Variants in TCF12 observed in about 807,000 individuals in gnomAD.
TCF12 encodes the protein DNA-binding protein HTF4.
In TCF12, 45 loss-of-function variants were observed where a neutral mutation model predicts 86.0. The ratio of observed to expected loss-of-function variants is 0.52; its 90% CI spans 0.41 to 0.67. TCF12 has a LOEUF of 0.67. TCF12 is among the 30% of genes least tolerant of loss of function. The pLI is 0.00. For synonymous variants in TCF12, 330 were observed against 299.6 expected, an observed-to-expected ratio of 1.10 and a Z score of -1.05; for missense variants, 881 against 859.9, an observed-to-expected ratio of 1.02 and a Z score of -0.31.
intron 5 of TCF12, among the ~76,000 whole-genome samples, chr15:57,120,516 G>A (rs914376627): frequency 1.3e-5 from 2 of 152,192 alleles, no homozygotes; most frequent in African/African-American, 4.8e-5. Context: ...ACAGTTCTGT[G>A]TATGTTTTGG....
chr15:56,958,676 A>AGT (rs1324930525), intron 3 of TCF12, among the ~76,000 whole-genome samples: 10,318 of 91,676 alleles, frequency 0.11, 367 homozygotes, highest in Middle Eastern at 0.21. Flanking sequence ...AGAGAGAGAG[A>AGT]GAGTGTGTGT....
intron 5 of TCF12, among the ~76,000 whole-genome samples, chr15:57,103,029 CT>C (rs1383589602): frequency 6.6e-6 from 1 of 152,112 alleles, no homozygotes; most frequent in Non-Finnish European, 1.5e-5. Context: ...ATTGAGCAGC[CT>C]AATGCAGAGA....
At position 57,170,671 on chromosome 15, in the gene TCF12, AT is replaced by A. The variant is rs2055291536; in HGVS notation, c.390+4206del. On this transcript the variant is annotated intron_variant, in intron 6 of 20. Transcript: ENST00000333725. ...TATATATTATATAAAATATATATAT[AT>A]ATAATATATTATATATAATATATAT... 8.8e-4 allele frequency among the ~76,000 whole-genome samples: 10 copies of A among 11,312 alleles called. No individual in the cohort carries two copies. The South Asian group carries it at 0.023, about 26-fold the overall frequency. 7.4% of individuals were successfully genotyped at this position (11,312 alleles called of 152,430 possible).
intron 3 of TCF12, among the ~76,000 whole-genome samples, chr15:57,000,943 A>G (rs1256762726): frequency 6.6e-6 from 1 of 151,626 alleles, no homozygotes; most frequent in Non-Finnish European, 1.5e-5. Flanking sequence ...TTTTTCCTAG[A>G]AATAAATTTT....
chr15:57,059,178 A>T (rs549146353), intron 3 of TCF12, among the ~76,000 whole-genome samples: 1 of 152,316 alleles, frequency 6.6e-6, no homozygotes, highest in South Asian at 2.1e-4. Context: ...TAGAATAAAA[A>T]TTTGATTTCA....
chr15:56,948,022 A>G (rs770840007), intron 3 of TCF12, among the ~76,000 whole-genome samples: 2 of 151,918 alleles, frequency 1.3e-5, no homozygotes, highest in Non-Finnish European at 2.9e-5. Flanking sequence ...CAGGGTTTTT[A>G]TTTTGTGTGA....
Position 57,213,240 on chromosome 15 carries a change from C to A in TCF12, c.579+15415C>A, listed in dbSNP as rs184433733. On this transcript the variant is annotated intron_variant, in intron 8 of 20. Transcript: ENST00000333725. The stretch of plus-strand genomic sequence containing the variant: ...CTTTTCAAAGTGAAGTATTTTTTGG[C>A]TTTTGTTAAGAATGGTCACCAGAAT... 2.1e-4 allele frequency among the ~76,000 whole-genome samples: 32 copies of A among 152,238 alleles called. No homozygotes were observed. The East Asian group carries it at 6.2e-3, about 29-fold the overall frequency.
chr15:56,963,262 T>A (rs1465521896), intron 3 of TCF12, among the ~76,000 whole-genome samples: 1 of 152,130 alleles, frequency 6.6e-6, no homozygotes, highest in Non-Finnish European at 1.5e-5. Context: ...TGAAAAGAGA[T>A]GAAAAAACAA....
intron 4 of TCF12, 111 bp downstream of exon 4, chr15:57,063,934 A>G (rs1368352662): frequency 3.6e-6 from 3 of 841,046 alleles, no homozygotes; most frequent in Non-Finnish European, 5.7e-6. Context: ...TTTCATGGAA[A>G]TGCAGTAGAA....
At chr15:57,106,845 G>A (rs77410740) in intron 5 of TCF12, among the ~76,000 whole-genome samples, 2 of 152,186 alleles carry the variant, frequency 1.3e-5, no homozygotes, top group Non-Finnish European at 2.9e-5. Context: ...TTAAGGAATT[G>A]TAAATTTAAA....
intron 3 of TCF12, among the ~76,000 whole-genome samples, chr15:57,051,330 G>A (rs1039881998): frequency 9.2e-5 from 14 of 152,270 alleles, no homozygotes; most frequent in African/African-American, 3.1e-4. Context: ...TCACGTTTAT[G>A]TTGAGAGGTC....
At chr15:56,998,816 G>A (rs576314457) in intron 3 of TCF12, among the ~76,000 whole-genome samples, 39 of 152,130 alleles carry the variant, frequency 2.6e-4, no homozygotes, top group African/African-American at 8.9e-4. Flanking sequence ...TAAAAGAATT[G>A]AACTTACAAA....
At chr15:56,969,499 T>G (rs2062178058) in intron 3 of TCF12, among the ~76,000 whole-genome samples, 1 of 151,926 alleles carries the variant, frequency 6.6e-6, no homozygotes, top group Non-Finnish European at 1.5e-5. Context: ...GGAAACCACG[T>G]TTAGATACAC....
At chr15:57,189,705 A>G (rs1421619332) in intron 6 of TCF12, among the ~76,000 whole-genome samples, 1 of 152,240 alleles carries the variant, frequency 6.6e-6, no homozygotes, top group Non-Finnish European at 1.5e-5. Context: ...ACATAGAATT[A>G]CACATATGAC....
chr15:57,200,420 A>C (rs914472382), intron 8 of TCF12, among the ~76,000 whole-genome samples: 2 of 152,310 alleles, frequency 1.3e-5, no homozygotes, highest in Non-Finnish European at 1.5e-5. Flanking sequence ...AACTTTTGAC[A>C]TGCAAACTAT....
chr15:57,241,834 A>G (rs1176480263), intron 12 of TCF12, among the ~76,000 whole-genome samples: 3 of 152,124 alleles, frequency 2.0e-5, no homozygotes, highest in Non-Finnish European at 2.9e-5. Context: ...CTCTACTAAA[A>G]ATACAAAAAT....
chr15:57,124,627 T>C (rs12591430), intron 5 of TCF12, among the ~76,000 whole-genome samples: 37,539 of 152,104 alleles, frequency 0.25, 5,460 homozygotes, highest in East Asian at 0.4. Context: ...ATCCTGTCAG[T>C]GCACTAACAT....
At chr15:57,182,390 T>C (rs151107256) in intron 6 of TCF12, among the ~76,000 whole-genome samples, 5 of 152,300 alleles carry the variant, frequency 3.3e-5, no homozygotes, top group East Asian at 1.9e-4. Context: ...ATTTTTTTCA[T>C]TGTTTTGTTA....
At chr15:57,042,730 T>A (rs1038792988) in intron 3 of TCF12, among the ~76,000 whole-genome samples, 6 of 152,176 alleles carry the variant, frequency 3.9e-5, no homozygotes, top group African/African-American at 1.4e-4. Context: ...ATAAATATTT[T>A]TTCTTATGAA....
Sources: gnomAD v4.1 joint callset for allele counts (sites outside exome capture counted in the v4.1 genomes callset) on GRCh38, gnomAD v4.1.1 for gene constraint, MANE v1.5 for transcripts, NCBI Gene and HGNC (gene_info 2026-07-23, HGNC 2026-07-21) for gene names.